MAF: variants seen among roughly 807,000 people sequenced by gnomAD.
MAF encodes the protein transcription factor Maf.
A neutral mutation model predicts 22.0 loss-of-function variants in MAF; 10 were observed. The ratio of observed to expected loss-of-function variants is 0.45; its 90% CI spans 0.28 to 0.77. The LOEUF is 0.77. MAF is among the 30% of genes least tolerant of loss of function. MAF has a pLI of 0.12. For synonymous variants in MAF, 337 were observed against 255.8 expected, an observed-to-expected ratio of 1.32 and a Z score of -3.03; for missense variants, 544 against 548.4, an observed-to-expected ratio of 0.99 and a Z score of 0.08.
chr16:79,525,398 G>C, the MAF span, among the ~76,000 whole-genome samples: 5 of 152,110 alleles, frequency 3.3e-5, no homozygotes, highest in Non-Finnish European at 5.9e-5. Flanking sequence ...AGGGGACAGA[G>C]TGGTCTTGTT....
the MAF span, among the ~76,000 whole-genome samples, chr16:79,323,851 G>C: frequency 2.0e-5 from 3 of 152,162 alleles, no homozygotes; most frequent in African/African-American, 7.2e-5. Context: ...TGACCTTGGG[G>C]GAAAGTGACC....
At chr16:79,333,468 G>A in the MAF span, among the ~76,000 whole-genome samples, 1 of 152,158 alleles carries the variant, frequency 6.6e-6, no homozygotes, top group African/African-American at 2.4e-5. Context: ...CATGTCAGCG[G>A]CCCTGAGGAG....
the MAF span, among the ~76,000 whole-genome samples, chr16:79,380,720 C>A: frequency 2.0e-5 from 3 of 152,192 alleles, no homozygotes; most frequent in Admixed American, 6.5e-5. Context: ...CTCTGTTATA[C>A]AGATGGGAAG....
chr16:79,469,364 C>A, the MAF span, among the ~76,000 whole-genome samples: 32 of 152,234 alleles, frequency 2.1e-4, no homozygotes, highest in Middle Eastern at 6.8e-3. Flanking sequence ...AAAACATAAG[C>A]TCGGGATTCA....
the MAF span, among the ~76,000 whole-genome samples, chr16:79,240,000 T>C: frequency 6.6e-6 from 1 of 151,944 alleles, no homozygotes; most frequent in South Asian, 2.1e-4. Context: ...CACAAAGTAT[T>C]TACCCAAATT....
chr16:79,338,022 T>A, the MAF span, among the ~76,000 whole-genome samples: 8 of 152,042 alleles, frequency 5.3e-5, no homozygotes, highest in Admixed American at 2.6e-4. Flanking sequence ...ACTTGGGAGA[T>A]GGAAATAAAT....
At chr16:79,522,914 C>T in the MAF span, among the ~76,000 whole-genome samples, 50 of 152,326 alleles carry the variant, frequency 3.3e-4, no homozygotes, top group Middle Eastern at 6.8e-3. Flanking sequence ...CTGAGAACAT[C>T]ATGCTTAGAT....
At chr16:79,208,928 A>C in the MAF span, among the ~76,000 whole-genome samples, 1 of 152,220 alleles carries the variant, frequency 6.6e-6, no homozygotes. Context: ...AGGAAAGTAG[A>C]GTGAGTACCC....
the MAF span, among the ~76,000 whole-genome samples, chr16:79,443,410 TG>T: frequency 3.3e-5 from 5 of 152,110 alleles, no homozygotes; most frequent in Admixed American, 3.3e-4. Context: ...CCCCACTAAC[TG>T]GGGGACTTTC....
At chr16:79,334,807 C>G in the MAF span, among the ~76,000 whole-genome samples, 1 of 151,638 alleles carries the variant, frequency 6.6e-6, no homozygotes. Flanking sequence ...AGTTTCCATG[C>G]AGGGCAAATT....
chr16:79,270,934 C>T, the MAF span, among the ~76,000 whole-genome samples: 1 of 150,812 alleles, frequency 6.6e-6, no homozygotes, highest in Non-Finnish European at 1.5e-5. Context: ...GAGTTTCACT[C>T]TTTTCACCCA....
At chr16:79,381,767 T>A in the MAF span, among the ~76,000 whole-genome samples, 1 of 152,222 alleles carries the variant, frequency 6.6e-6, no homozygotes, top group Non-Finnish European at 1.5e-5. Flanking sequence ...TCATTTTGCT[T>A]TGACAAAGAC....
chr16:79,564,866 A>T, the MAF span, among the ~76,000 whole-genome samples: 3 of 152,136 alleles, frequency 2.0e-5, no homozygotes, highest in African/African-American at 7.2e-5. Context: ...TGGGGAAGCG[A>T]CTTCTGCAAA....
chr16:79,461,728 G>A, the MAF span, among the ~76,000 whole-genome samples: 1 of 152,142 alleles, frequency 6.6e-6, no homozygotes, highest in South Asian at 2.1e-4. Flanking sequence ...TTTGGAGAGA[G>A]GAGAGAGACC....
At chr16:79,257,118 A>G in the MAF span, among the ~76,000 whole-genome samples, 1 of 152,192 alleles carries the variant, frequency 6.6e-6, no homozygotes, top group Non-Finnish European at 1.5e-5. Context: ...TGGAGGTTGC[A>G]GTGAGCCAAG....
the MAF span, among the ~76,000 whole-genome samples, chr16:79,471,369 A>G: frequency 6.6e-6 from 1 of 152,218 alleles, no homozygotes; most frequent in Non-Finnish European, 1.5e-5. Flanking sequence ...TAAAAAACTA[A>G]GGTTTAGGCA....
At chr16:79,464,235 T>A in the MAF span, among the ~76,000 whole-genome samples, 1 of 152,102 alleles carries the variant, frequency 6.6e-6, no homozygotes, top group Non-Finnish European at 1.5e-5. Flanking sequence ...CCAGGGATAA[T>A]GACTCAGATG....
chr16:79,460,252 C>T, the MAF span, among the ~76,000 whole-genome samples: 5 of 152,016 alleles, frequency 3.3e-5, no homozygotes, highest in South Asian at 2.1e-4. Context: ...TTATTTTTTC[C>T]GGATTGGGCA....
chr16:79,221,311 G>C, the MAF span, among the ~76,000 whole-genome samples: 2 of 152,176 alleles, frequency 1.3e-5, no homozygotes, highest in African/African-American at 2.4e-5. Context: ...TTTAGGGAGA[G>C]AGGCTGAGCA....
Sources: allele counts gnomAD v4.1 joint callset (sites outside exome capture counted in the v4.1 genomes callset), GRCh38; gene constraint gnomAD v4.1.1; transcripts MANE v1.5; gene names NCBI Gene and HGNC (gene_info 2026-07-23, HGNC 2026-07-21).